Variants in CACNA1C observed in about 807,000 individuals in gnomAD.
CACNA1C encodes the protein calcium voltage-gated channel subunit alpha1 C.
A neutral mutation model predicts 229.0 loss-of-function variants in CACNA1C; 30 were observed. The ratio of observed to expected loss-of-function variants is 0.13; its 90% confidence interval spans 0.10 to 0.18. The LOEUF is 0.18. CACNA1C is among the 10% of genes least tolerant of loss of function. CACNA1C has a pLI of 1.00. For missense variants in CACNA1C, 1,658 were observed against 2,845.0 expected, an observed-to-expected ratio of 0.58 and a Z score of 9.49; for synonymous variants, 1,114 against 1,132.5, an observed-to-expected ratio of 0.98 and a Z score of 0.33.
At chr12:2,032,143 G>A (rs534106572) in intron 1 of CACNA1C, among the ~76,000 whole-genome samples, 10 of 152,212 alleles carry the variant, frequency 6.6e-5, no homozygotes, top group South Asian at 2.1e-4. Context: ...CTCGGTAACC[G>A]GAGGGGGCGG....
intron 1 of CACNA1C, among the ~76,000 whole-genome samples, chr12:2,082,931 G>A (rs183637354): frequency 2.0e-5 from 3 of 152,236 alleles, no homozygotes; most frequent in East Asian, 1.9e-4. Flanking sequence ...AACTCGTTAC[G>A]CCTGTGAAAA....
chr12:2,488,161 A>G lies in CACNA1C; in HGVS notation c.916+1899A>G, dbSNP rs1463163975. On this transcript the variant is annotated intron_variant, in intron 6 of 46. Coordinates refer to ENST00000399655, the MANE Select transcript of CACNA1C (RefSeq NM_000719.7). The surrounding 1 kb of genome is among the most constrained non-coding windows in gnomAD (Gnocchi z 4.0). The stretch of plus-strand genomic sequence containing the variant: ...GAGGTCTGTGCACCACAGAGTAAGG[A>G]GAGGGGCTCCAAAGCTGCAGGCAAT... Among the ~76,000 whole-genome samples, 1 of 152,220 alleles carries G rather than the reference A, an allele frequency of 6.6e-6. No homozygotes were observed. The highest frequency in any genetic ancestry group is 1.5e-5 in the Non-Finnish European group (1 of 68,026).
rs77655177 is a variant in CACNA1C, at chr12:2,067,131, G to T, written c.49+13520G>T. ...AGTGAGACAGCTGCTGACTAGGTCTGGGGGCAAAGGGTTCTAGCTCTGTAG... is the reference window on the plus strand; with the variant it reads ...AGTGAGACAGCTGCTGACTAGGTCTTGGGGCAAAGGGTTCTAGCTCTGTAG... On this transcript the variant is annotated intron_variant, in intron 1 of 46. Transcript: ENST00000399655. The surrounding 1 kb of genome is among the most constrained non-coding windows in gnomAD (Gnocchi z 5.3). Among the ~76,000 whole-genome samples the T allele has an allele frequency of 6.6e-6, 1 of 152,142 alleles. No individual in the cohort carries two copies. Among genetic ancestry groups the T allele is most frequent in the Non-Finnish European group, 1.5e-5 (1 of 68,018 alleles).
intron 5 of CACNA1C, among the ~76,000 whole-genome samples, chr12:2,483,158 C>T (rs975833105): frequency 3.3e-5 from 5 of 152,276 alleles, no homozygotes; most frequent in African/African-American, 1.2e-4. Context: ...GCAGGGGAGC[C>T]GCGTGCGCTG....
At chr12:2,113,873 G>A (rs972930761) in intron 1 of CACNA1C, among the ~76,000 whole-genome samples, 1 of 152,234 alleles carries the variant, frequency 6.6e-6, no homozygotes, top group Non-Finnish European at 1.5e-5. Flanking sequence ...GACAGTCTCA[G>A]AGGCTTCGTT....
intron 3 of CACNA1C, among the ~76,000 whole-genome samples, chr12:2,330,303 C>T (rs538336685): frequency 3.3e-5 from 5 of 152,274 alleles, no homozygotes; most frequent in Middle Eastern, 3.4e-3. Context: ...GCCTGGGGTA[C>T]GTGAGCTTGG....
chr12:2,585,844 G>A lies in CACNA1C; in HGVS notation c.2470G>A (p.Asp824Asn), dbSNP rs2062221694. Residue 824 changes from aspartate (D) to asparagine (N), a missense_variant, in exon 18 of 47, where the codon GAT (aspartate) becomes AAT (asparagine). By Grantham distance (23) the Asp-to-Asn change is conservative (BLOSUM62 1). Coordinates refer to ENST00000399655, the MANE Select transcript of CACNA1C (RefSeq NM_000719.7). The surrounding 1 kb of genome is among the most constrained non-coding windows in gnomAD (Gnocchi z 4.1). ...ESPPATKINM[D>N]DLQPNENEDK... ...CCCTGTGACTGTCTAGATCAACATG[G>A]ATGACCTCCAGCCCAATGAAAATGA... 6.2e-7 allele frequency: 1 copy of A among 1,608,536 alleles called. No individual in the cohort carries two copies. Among genetic ancestry groups the A allele is most frequent in the South Asian group, 1.1e-5 (1 of 89,582 alleles).
chr12:2,005,455 G>A (rs1274940358), intron 1 of CACNA1C, among the ~76,000 whole-genome samples: 1 of 152,188 alleles, frequency 6.6e-6, no homozygotes, highest in Non-Finnish European at 1.5e-5. Flanking sequence ...GTACTTGACA[G>A]ACATTTTTCT....
intron 3 of CACNA1C, among the ~76,000 whole-genome samples, chr12:2,297,069 A>G (rs555709342): frequency 1.3e-5 from 2 of 152,298 alleles, no homozygotes; most frequent in East Asian, 3.9e-4. Context: ...AAAAATATCC[A>G]TGGTAAGAAG....
intron 32 of CACNA1C, among the ~76,000 whole-genome samples, chr12:2,652,960 C>T (rs1057200854): frequency 1.3e-5 from 2 of 152,236 alleles, no homozygotes; most frequent in East Asian, 3.9e-4. Context: ...CTGATGGCGG[C>T]GCAGGCGTTC....
chr12:2,429,753 C>T (rs183051461), intron 3 of CACNA1C, among the ~76,000 whole-genome samples: 69 of 152,270 alleles, frequency 4.5e-4, no homozygotes, highest in African/African-American at 1.6e-3. Flanking sequence ...TCTGCTCACT[C>T]CCAAGTACTT....
At chr12:2,278,148 C>A (rs566247485) in intron 3 of CACNA1C, among the ~76,000 whole-genome samples, 15 of 152,348 alleles carry the variant, frequency 9.8e-5, no homozygotes, top group Middle Eastern at 3.4e-3. Context: ...TGTTTTCTCC[C>A]AGCTTTCATA....
chr12:2,195,929 A>G (rs901060600), intron 3 of CACNA1C, among the ~76,000 whole-genome samples: 2 of 152,172 alleles, frequency 1.3e-5, no homozygotes, highest in African/African-American at 4.8e-5. Flanking sequence ...TCCTGAGGCC[A>G]CGTGGTCCGA....
intron 3 of CACNA1C, among the ~76,000 whole-genome samples, chr12:2,329,814 C>T (rs1052469170): frequency 6.6e-6 from 1 of 152,106 alleles, no homozygotes; most frequent in African/African-American, 2.4e-5. Flanking sequence ...TCTCATAGTC[C>T]TTGTAGTGAA....
intron 3 of CACNA1C, among the ~76,000 whole-genome samples, chr12:2,435,663 G>T (rs1222430101): frequency 6.6e-6 from 1 of 152,234 alleles, no homozygotes; most frequent in Non-Finnish European, 1.5e-5. Context: ...CATGCTGCAG[G>T]CACTGGAGGG....
In CACNA1C at chr12:2,053,078, C is replaced by G. The variant is rs1303551522; in HGVS notation, c.-485C>G. The G allele has an allele frequency of 1.0e-6, 1 of 984,304 alleles. No individual in the cohort carries two copies. Among genetic ancestry groups the G allele is most frequent in the African/African-American group, 1.7e-5 (1 of 57,154 alleles). 61.0% of individuals were successfully genotyped at this position (984,304 alleles called of 1,614,324 possible). Reference sequence around the variant, plus strand: ...CCCGGAGCGGCGGCGGCGGCTCTTCCTGCCTCCGCGCCCAGGAGTTGCCGG... The same window carrying G: ...CCCGGAGCGGCGGCGGCGGCTCTTCGTGCCTCCGCGCCCAGGAGTTGCCGG... On this transcript the variant is annotated 5_prime_UTR_variant, in exon 1 of 47. Transcript: ENST00000399655. This position sits in a 1 kb window ranked among gnomAD's most constrained non-coding sequence, Gnocchi z 5.8.
intron 3 of CACNA1C, among the ~76,000 whole-genome samples, chr12:2,214,922 C>T (rs2059600973): frequency 6.6e-6 from 1 of 151,976 alleles, no homozygotes; most frequent in South Asian, 2.1e-4. Context: ...AAGAGGTACT[C>T]AAGAAGAGAG....
rs967479582 is a variant in CACNA1C, at chr12:2,275,427, G to A, written c.477+154997G>A. ...CCCGCACAGATTGTCTGGTGAGCCC[G>A]CCAGCTGTACCGCATCGCTCTGTGC... On this transcript the variant is annotated intron_variant, in intron 3 of 46. Transcript: ENST00000399655. The surrounding 1 kb of genome is among the most constrained non-coding windows in gnomAD (Gnocchi z 4.1). Among the ~76,000 whole-genome samples, 1 of 152,088 alleles carries A rather than the reference G, an allele frequency of 6.6e-6. No individual in the cohort carries two copies. The highest frequency in any genetic ancestry group is 1.5e-5 in the Non-Finnish European group (1 of 68,016).
At chr12:2,606,762 C>A in intron 25 of CACNA1C, 99 bp downstream of exon 25, 1 of 1,077,096 alleles carries the variant, frequency 9.3e-7, no homozygotes, top group Non-Finnish European at 1.4e-6. Flanking sequence ...TCTAAGACTG[C>A]AGTGGCACCT....
Sources: gnomAD v4.1 joint callset for allele counts (sites outside exome capture counted in the v4.1 genomes callset) on GRCh38, gnomAD v4.1.1 for gene constraint, Gnocchi (gnomAD v3.1) non-coding constraint, MANE v1.5 for transcripts, NCBI Gene and HGNC (gene_info 2026-07-23, HGNC 2026-07-21) for gene names.